The following VWC2L variants were observed in gnomAD, a reference collection of about 807,000 sequenced individuals.
The protein encoded by VWC2L is von Willebrand factor C domain containing 2 like.
Under a neutral mutation model 21.6 loss-of-function variants are expected in VWC2L, and 10 were observed. The observed-to-expected ratio is 0.46, with a 90% confidence interval of 0.29 to 0.78. The LOEUF (loss-of-function observed/expected upper bound fraction) is 0.78. Ranked by LOEUF, VWC2L falls within the 30% of genes least tolerant of loss-of-function variation. The pLI is 0.10. For missense variants in VWC2L, 209 were observed against 277.1 expected (o/e 0.75, Z 1.74); for synonymous variants, 96 against 94.3 (o/e 1.02, Z -0.10).
intron 3 of VWC2L, among the ~76,000 whole-genome samples, chr2:214,451,771 T>G (rs1702957909): frequency 6.6e-6 from 1 of 152,204 alleles, no homozygotes; most frequent in Non-Finnish European, 1.5e-5. Flanking sequence ...AAGAAGTGCT[T>G]GTTTCAAGTA....
chr2:214,523,477 C>G (rs1405174893), intron 3 of VWC2L, among the ~76,000 whole-genome samples: 1 of 152,092 alleles, frequency 6.6e-6, no homozygotes, highest in African/African-American at 2.4e-5. Context: ...AGTTGAGAAA[C>G]AGATTTTTTT....
intron 3 of VWC2L, among the ~76,000 whole-genome samples, chr2:214,446,197 C>T (rs1380732423): frequency 6.6e-6 from 1 of 152,172 alleles, no homozygotes; most frequent in Non-Finnish European, 1.5e-5. Context: ...TTTCTGGCAG[C>T]TGCACACATA....
At chr2:214,430,358 C>T (rs530491837) in intron 2 of VWC2L, among the ~76,000 whole-genome samples, 2 of 151,860 alleles carry the variant, frequency 1.3e-5, no homozygotes, top group Non-Finnish European at 2.9e-5. Context: ...ATAGTAGTAC[C>T]GCCAGTTATT....
chr2:214,562,612 G>A (rs1370408829), intron 3 of VWC2L, among the ~76,000 whole-genome samples: 1 of 152,144 alleles, frequency 6.6e-6, no homozygotes. Context: ...TCCACCAACA[G>A]AAGTAAAACT....
chr2:214,544,326 C>A (rs993349337), intron 3 of VWC2L, among the ~76,000 whole-genome samples: 1 of 152,112 alleles, frequency 6.6e-6, no homozygotes, highest in Non-Finnish European at 1.5e-5. Context: ...TAGCTAGAAC[C>A]AAGTACTGTG....
intron 2 of VWC2L, among the ~76,000 whole-genome samples, chr2:214,419,662 G>C (rs1702406150): frequency 6.6e-6 from 1 of 152,130 alleles, no homozygotes; most frequent in Admixed American, 6.5e-5. Flanking sequence ...TGACCTTTGT[G>C]TTTTTCCCAC....
intron 3 of VWC2L, among the ~76,000 whole-genome samples, chr2:214,511,755 T>C (rs928384015): frequency 2.4e-4 from 36 of 151,734 alleles, no homozygotes; most frequent in African/African-American, 8.2e-4. Flanking sequence ...TATAATCTCA[T>C]GAAACCCTTC....
chr2:214,436,078 G>A (rs2126178509), intron 2 of VWC2L: 1 of 152,172 alleles, frequency 6.6e-6, no homozygotes, highest in Non-Finnish European at 1.5e-5. Context: ...GTACCTGGAT[G>A]TTTGGTTCCC....
Position 214,466,866 on chromosome 2 carries a change from T to TA in VWC2L, c.520+30109dup, listed in dbSNP as rs576355396. Among the ~76,000 whole-genome samples the TA allele has an allele frequency of 7.0e-4, 107 of 152,346 alleles. 1 individual carries two copies. Among genetic ancestry groups the TA allele is most frequent in the African/African-American group, 2.4e-3 (101 of 41,590 alleles). On this transcript the variant is annotated intron_variant, in intron 3 of 3. Coordinates refer to ENST00000312504, the MANE Select transcript of VWC2L (RefSeq NM_001080500.4). ...TAATGTTTTTGTCTGCTTATTCTGA[T>TA]ATCTGTGTTAGCTCTAGATCTTTTT...
chr2:214,449,304 G>A (rs1329645673), intron 3 of VWC2L, among the ~76,000 whole-genome samples: 1 of 152,148 alleles, frequency 6.6e-6, no homozygotes, highest in Admixed American at 6.6e-5. Flanking sequence ...ACATAGCATA[G>A]GGGGTTGATT....
intron 2 of VWC2L, among the ~76,000 whole-genome samples, chr2:214,420,346 G>T (rs919748697): frequency 2.6e-5 from 4 of 152,056 alleles, no homozygotes; most frequent in Middle Eastern, 3.2e-3. Flanking sequence ...AAAATGGAAG[G>T]CAACATGTTC....
chr2:214,509,197 C>T (rs1689015549), intron 3 of VWC2L, among the ~76,000 whole-genome samples: 1 of 152,154 alleles, frequency 6.6e-6, no homozygotes, highest in Non-Finnish European at 1.5e-5. Context: ...ATAAACTGCT[C>T]GCATCTAAAC....
chr2:214,455,583 A>G (rs1038973554), intron 3 of VWC2L, among the ~76,000 whole-genome samples: 2 of 152,206 alleles, frequency 1.3e-5, no homozygotes, highest in Non-Finnish European at 1.5e-5. Flanking sequence ...TTTGAAATAT[A>G]CAATATATTG....
intron 3 of VWC2L, among the ~76,000 whole-genome samples, chr2:214,484,461 A>G (rs1473498068): frequency 6.6e-6 from 1 of 152,142 alleles, no homozygotes; most frequent in Non-Finnish European, 1.5e-5. Context: ...TCTAGCCACT[A>G]GTGGTTCCCT....
At chr2:214,471,436 A>G (rs1165978910) in intron 3 of VWC2L, among the ~76,000 whole-genome samples, 3 of 152,212 alleles carry the variant, frequency 2.0e-5, no homozygotes, top group African/African-American at 7.2e-5. Context: ...TTAAAAATGT[A>G]AAAGGTAAAT....
intron 3 of VWC2L, among the ~76,000 whole-genome samples, chr2:214,471,237 A>G (rs1006725216): frequency 6.6e-6 from 1 of 152,160 alleles, no homozygotes; most frequent in Non-Finnish European, 1.5e-5. Context: ...GCTTCCTGCT[A>G]GAGATTGCAG....
chr2:214,475,938 G>A (rs924349383), intron 3 of VWC2L, among the ~76,000 whole-genome samples: 33 of 152,160 alleles, frequency 2.2e-4, no homozygotes, highest in African/African-American at 7.5e-4. Context: ...CTGGGCCCCA[G>A]CCTGGGAAAA....
intron 3 of VWC2L, among the ~76,000 whole-genome samples, chr2:214,561,431 C>T (rs1428315912): frequency 6.6e-6 from 1 of 151,948 alleles, no homozygotes; most frequent in African/African-American, 2.4e-5. Context: ...TTTTTTGTGT[C>T]TAGTAGCCAC....
chr2:214,482,797 A>G (rs4673836), intron 3 of VWC2L, among the ~76,000 whole-genome samples: 134,989 of 152,012 alleles, frequency 0.89, 61,994 homozygotes, highest in Non-Finnish European at 1. Context: ...ATTTAACATC[A>G]ATTTCAGTCT....
Sources: allele counts gnomAD v4.1 joint callset (sites outside exome capture counted in the v4.1 genomes callset), GRCh38; gene constraint gnomAD v4.1.1; transcripts MANE v1.5; gene names NCBI Gene and HGNC (gene_info 2026-07-23, HGNC 2026-07-21).